BCAS3: variants seen among roughly 807,000 people sequenced by gnomAD.
BCAS3 encodes the protein BCAS3 microtubule associated cell migration factor.
A neutral mutation model predicts 116.1 loss-of-function variants in BCAS3; 53 were observed. The ratio of observed to expected loss-of-function variants is 0.46; its 90% CI spans 0.37 to 0.57. The LOEUF (loss-of-function observed/expected upper bound fraction) is 0.57, where lower values mean the gene tolerates loss of function less well. BCAS3 is among the 20% of genes least tolerant of loss of function. BCAS3 has a pLI of 0.00. For missense variants in BCAS3, 917 were observed against 1,165.4 expected (o/e 0.79, Z 3.10); for synonymous variants, 391 against 408.2 (o/e 0.96, Z 0.51).
chr17:60,743,315 G>A (rs944820867), intron 5 of BCAS3, among the ~76,000 whole-genome samples: 2 of 152,012 alleles, frequency 1.3e-5, no homozygotes, highest in Admixed American at 6.6e-5. Flanking sequence ...ATAGAAATCA[G>A]GATTGTAGTT....
intron 22 of BCAS3, among the ~76,000 whole-genome samples, chr17:61,137,957 A>G (rs1009353788): frequency 3.9e-5 from 6 of 152,134 alleles, no homozygotes; most frequent in Admixed American, 6.5e-5. Context: ...GACATGCACA[A>G]TCTATTTTGA....
Position 60,973,586 on chromosome 17 carries a change from A to ATATATATATATATATATATATATATAT in BCAS3, c.1222-16385_1222-16384insTATATATATATATATATATATATATAT, listed in dbSNP as rs752524305. On this transcript the variant is annotated intron_variant, in intron 14 of 23. Transcript: ENST00000407086. ...TAGACATTGCTATTACCTTATTATT[A>ATATATATATATATATATATATATATAT]ATATATATATATATATATATATGTA... 4.5e-4 allele frequency among the ~76,000 whole-genome samples: 62 copies of ATATATATATATATATATATATATATAT among 137,938 alleles called. 1 individual carries two copies. The highest frequency in any genetic ancestry group is 3.7e-3 in the Middle Eastern group (1 of 272). 90.5% of individuals were successfully genotyped at this position (137,938 alleles called of 152,430 possible).
At chr17:61,310,370 A>G (rs923463767) in intron 22 of BCAS3, among the ~76,000 whole-genome samples, 3 of 152,134 alleles carry the variant, frequency 2.0e-5, no homozygotes, top group African/African-American at 4.8e-5. Flanking sequence ...CCTGGCCAAC[A>G]TGGAGAAACC....
chr17:61,175,735 A>G (rs1297339169), intron 22 of BCAS3, among the ~76,000 whole-genome samples: 1 of 152,218 alleles, frequency 6.6e-6, no homozygotes, highest in African/African-American at 2.4e-5. Context: ...ACATTGGTAG[A>G]AAGTATTTTC....
intron 11 of BCAS3, among the ~76,000 whole-genome samples, chr17:60,909,313 T>C (rs1164433016): frequency 6.6e-6 from 1 of 152,188 alleles, no homozygotes; most frequent in Non-Finnish European, 1.5e-5. Flanking sequence ...ACAACTGTCT[T>C]TGTGTACTAT....
At chr17:60,686,417 A>T (rs1310484126) in intron 3 of BCAS3, among the ~76,000 whole-genome samples, 1 of 152,126 alleles carries the variant, frequency 6.6e-6, no homozygotes, top group Non-Finnish European at 1.5e-5. Context: ...GACTGGTAGC[A>T]GCTTCTTTAG....
chr17:61,001,792 T>G (rs970483845), intron 15 of BCAS3, among the ~76,000 whole-genome samples: 1 of 152,202 alleles, frequency 6.6e-6, no homozygotes, highest in African/African-American at 2.4e-5. Flanking sequence ...TGAATTTGTT[T>G]TCTCAAATTC....
intron 21 of BCAS3, among the ~76,000 whole-genome samples, chr17:61,081,531 T>C (rs986811422): frequency 6.6e-6 from 1 of 152,246 alleles, no homozygotes; most frequent in Non-Finnish European, 1.5e-5. Flanking sequence ...TTATCCTGTT[T>C]ACAGGACACA....
chr17:61,217,173 C>T lies in BCAS3; in HGVS notation c.2425+132609C>T, dbSNP rs1333361178. On this transcript the variant is annotated intron_variant, in intron 22 of 23. Transcript: ENST00000407086. This position sits in a 1 kb window ranked among gnomAD's most constrained non-coding sequence, Gnocchi z 5.2. ...TGGCACACTCCTGCAGTCCCAGCTA[C>T]TCAGGAGGCTGAGGCAGGAGAATCG... 6.6e-6 allele frequency among the ~76,000 whole-genome samples: 1 copy of T among 152,098 alleles called. No individual in the cohort carries two copies. The highest frequency in any genetic ancestry group is 1.5e-5 in the Non-Finnish European group (1 of 68,034).
chr17:61,154,706 A>T (rs1232144559), intron 22 of BCAS3, among the ~76,000 whole-genome samples: 1 of 152,170 alleles, frequency 6.6e-6, no homozygotes, highest in Non-Finnish European at 1.5e-5. Context: ...GGTCTCCTGA[A>T]GTACTGGGAT....
intron 14 of BCAS3, among the ~76,000 whole-genome samples, chr17:60,955,737 A>G (rs2061098107): frequency 6.6e-6 from 1 of 152,076 alleles, no homozygotes; most frequent in Non-Finnish European, 1.5e-5. Flanking sequence ...ACAGGTCATT[A>G]TTATTTCTTT....
rs572764925 is a variant in BCAS3, at chr17:61,186,734, G to A, written c.2425+102170G>A. On this transcript the variant is annotated intron_variant, in intron 22 of 23. Coordinates refer to ENST00000407086, the MANE Select transcript of BCAS3 (RefSeq NM_017679.5). The surrounding 1 kb of genome is among the most constrained non-coding windows in gnomAD (Gnocchi z 4.9). ...AACAGTTGTTTTTTTTTTTTGAGAC[G>A]GAGTCTCGCTCTGTCGCCCAGGTTG... Among the ~76,000 whole-genome samples, 7 of 149,232 alleles carry A rather than the reference G, an allele frequency of 4.7e-5. No homozygotes were observed. The highest frequency in any genetic ancestry group is 3.9e-4 in the East Asian group (2 of 5,126).
intron 19 of BCAS3, among the ~76,000 whole-genome samples, chr17:61,072,212 C>G (rs1568287335): frequency 6.6e-6 from 1 of 152,052 alleles, no homozygotes; most frequent in African/African-American, 2.4e-5. Flanking sequence ...GGATCTTTCT[C>G]CCTTCTCACT....
rs1197616021 is a variant in BCAS3 at position 61,390,146 on chromosome 17, T to G, written c.2594-1831T>G. On this transcript the variant is annotated intron_variant, in intron 23 of 23. Transcript: ENST00000407086. The surrounding 1 kb of genome is among the most constrained non-coding windows in gnomAD (Gnocchi z 6.8). Reference sequence around the variant, plus strand: ...CCCCTAGTGCCGGGCCGGCCGCGCATGAGGGCGGTGGGACAGATCGCCCAC... The same window carrying G: ...CCCCTAGTGCCGGGCCGGCCGCGCAGGAGGGCGGTGGGACAGATCGCCCAC... 1 of 152,234 alleles carries G rather than the reference T, an allele frequency of 6.6e-6. No homozygotes were observed. Among genetic ancestry groups the G allele is most frequent in the Non-Finnish European group, 1.5e-5 (1 of 68,050 alleles). 9.4% of individuals were successfully genotyped at this position (152,234 alleles called of 1,614,324 possible). A position where few individuals can be genotyped will look rare whatever the true frequency, so the allele number is the denominator to read the frequency against.
At chr17:60,915,444 T>C (rs1356073808) in intron 12 of BCAS3, among the ~76,000 whole-genome samples, 1 of 152,082 alleles carries the variant, frequency 6.6e-6, no homozygotes, top group African/African-American at 2.4e-5. Context: ...GATACAGGAC[T>C]GTTCTAAACT....
At chr17:60,881,831 A>G (rs1028290497) in intron 9 of BCAS3, among the ~76,000 whole-genome samples, 9 of 146,416 alleles carry the variant, frequency 6.1e-5, no homozygotes, top group South Asian at 4.3e-4. Context: ...TTCTTAATCC[A>G]GTCTATCATT....
chr17:61,037,764 T>G lies in BCAS3; in HGVS notation c.1763-125T>G, dbSNP rs914214848. ...AAAAAAAAGAAAAAAAGAAAAAAAT[T>G]CCTGTCTTTTCATTTTCTCTGAGCA... is the stretch of plus-strand genomic sequence containing the variant. On this transcript the variant is annotated intron_variant, in intron 17 of 23. Transcript: ENST00000407086. This position sits in a 1 kb window ranked among gnomAD's most constrained non-coding sequence, Gnocchi z 4.7. The G allele has an allele frequency of 4.2e-5, 39 of 924,032 alleles. No homozygotes were observed. Among genetic ancestry groups the G allele is most frequent in the Admixed American group, 5.8e-5 (2 of 34,750 alleles). The allele number at this position is 924,032 out of a possible 1,614,324, so 57.2% of individuals were successfully genotyped here.
At chr17:61,159,977 T>G (rs1365554000) in intron 22 of BCAS3, among the ~76,000 whole-genome samples, 1 of 137,692 alleles carries the variant, frequency 7.3e-6, no homozygotes, top group Non-Finnish European at 1.6e-5. Context: ...AGAAAAAATA[T>G]GTGGTTGGCA....
intron 14 of BCAS3, among the ~76,000 whole-genome samples, chr17:60,948,657 T>G (rs1008390243): frequency 1.3e-5 from 2 of 152,138 alleles, no homozygotes; most frequent in African/African-American, 4.8e-5. Context: ...TAAATGACTA[T>G]AATGGATTGA....
Sources: allele counts gnomAD v4.1 joint callset (sites outside exome capture counted in the v4.1 genomes callset), GRCh38; gene constraint gnomAD v4.1.1; non-coding constraint Gnocchi (gnomAD v3.1); transcripts MANE v1.5; gene names NCBI Gene and HGNC (gene_info 2026-07-23, HGNC 2026-07-21).